NSMCE2: variants seen among roughly 807,000 people sequenced by gnomAD.
NSMCE2 encodes the protein NSE2 SUMO ligase component of SMC5/6 complex.
NSMCE2 carries 24 observed loss-of-function variants against 23.8 expected under a neutral mutation model. That is an observed-to-expected ratio of 1.01 (90% CI 0.73 to 1.42). NSMCE2 has a LOEUF of 1.42. Ranked by LOEUF, NSMCE2 falls within the 40% of genes most tolerant of loss-of-function variation. The pLI is 0.00. For synonymous variants in NSMCE2, 92 were observed against 94.1 expected (o/e 0.98, Z 0.13); for missense variants, 284 against 296.5 (o/e 0.96, Z 0.31).
chr8:125,173,639 A>T (rs1200757316), intron 4 of NSMCE2, among the ~76,000 whole-genome samples: 4 of 152,200 alleles, frequency 2.6e-5, no homozygotes, highest in African/African-American at 9.7e-5. Flanking sequence ...CATTCTGTGG[A>T]TGGCAGAGGT....
chr8:125,194,877 T>G (rs1481969649), intron 5 of NSMCE2, among the ~76,000 whole-genome samples: 2 of 152,192 alleles, frequency 1.3e-5, no homozygotes, highest in African/African-American at 4.8e-5. Context: ...TTCTAACCTT[T>G]TTTATATTTA....
At chr8:125,315,409 A>G (rs1829141422) in intron 5 of NSMCE2, among the ~76,000 whole-genome samples, 2 of 152,204 alleles carry the variant, frequency 1.3e-5, no homozygotes, top group African/African-American at 4.8e-5. Context: ...TTTGAGTCAG[A>G]CAGACCTGCT....
chr8:125,274,817 C>T (rs1827377600), intron 5 of NSMCE2, among the ~76,000 whole-genome samples: 3 of 151,344 alleles, frequency 2.0e-5, no homozygotes, highest in Non-Finnish European at 4.4e-5. Context: ...GTAATCCCAG[C>T]TACTTGGGAG....
At chr8:125,140,257 G>T (rs551623064) in intron 3 of NSMCE2, among the ~76,000 whole-genome samples, 1 of 152,172 alleles carries the variant, frequency 6.6e-6, no homozygotes, top group South Asian at 2.1e-4. Flanking sequence ...TTTGTATTGG[G>T]AATATTGCAA....
At position 125,366,925 on chromosome 8, in the gene NSMCE2, C is replaced by T. The variant is rs576735039; in HGVS notation, c.*40C>T. ...CTGCAGGGACACCAGCAGCCTACCT[C>T]CTACCCCAGCTGTCTGTTGAGAGCA... On this transcript the variant is annotated 3_prime_UTR_variant, in exon 8 of 8. Transcript: ENST00000287437. 9 of 1,129,078 alleles carry T rather than the reference C, an allele frequency of 8.0e-6. No homozygotes were observed. The highest frequency in any genetic ancestry group is 2.0e-4 in the Middle Eastern group (1 of 5,124). The allele number at this position is 1,129,078 out of a possible 1,614,324, so 69.9% of individuals were successfully genotyped here.
intron 5 of NSMCE2, among the ~76,000 whole-genome samples, chr8:125,248,645 T>C (rs950870758): frequency 6.6e-6 from 1 of 151,644 alleles, no homozygotes; most frequent in African/African-American, 2.4e-5. Flanking sequence ...AGAGCAAGAC[T>C]CCATCTCAAA....
intron 5 of NSMCE2, among the ~76,000 whole-genome samples, chr8:125,293,267 T>C (rs771245200): frequency 2.0e-5 from 3 of 152,178 alleles, no homozygotes; most frequent in Non-Finnish European, 4.4e-5. Context: ...AAGTTACCCC[T>C]GCCCAGGAAG....
At chr8:125,230,155 G>A (rs1825261981) in intron 5 of NSMCE2, among the ~76,000 whole-genome samples, 1 of 152,158 alleles carries the variant, frequency 6.6e-6, no homozygotes, top group Non-Finnish European at 1.5e-5. Context: ...GGAACATTCA[G>A]AGTTATCAAG....
chr8:125,290,600 TCA>T (rs1828070431), intron 5 of NSMCE2, among the ~76,000 whole-genome samples: 1 of 152,192 alleles, frequency 6.6e-6, no homozygotes, highest in Admixed American at 6.5e-5. Context: ...TTAGAATCTC[TCA>T]GTTACAATTC....
At chr8:125,127,334 G>A (rs1000036312) in intron 3 of NSMCE2, among the ~76,000 whole-genome samples, 1 of 152,148 alleles carries the variant, frequency 6.6e-6, no homozygotes, top group Admixed American at 6.5e-5. Flanking sequence ...GGGAGTACAT[G>A]ATAGTAAGGG....
intron 4 of NSMCE2, among the ~76,000 whole-genome samples, chr8:125,179,805 ACCT>A (rs1405959296): frequency 6.6e-6 from 1 of 152,144 alleles, no homozygotes; most frequent in Non-Finnish European, 1.5e-5. Context: ...CTCAGTCTTC[ACCT>A]CCTCAGCAGT....
chr8:125,280,894 G>T (rs1210251910), intron 5 of NSMCE2, among the ~76,000 whole-genome samples: 1 of 152,182 alleles, frequency 6.6e-6, no homozygotes, highest in Non-Finnish European at 1.5e-5. Flanking sequence ...GAATAAACAT[G>T]TTAGTAATTT....
chr8:125,194,513 G>A (rs555911449), intron 5 of NSMCE2, among the ~76,000 whole-genome samples: 1 of 152,270 alleles, frequency 6.6e-6, no homozygotes, highest in African/African-American at 2.4e-5. Flanking sequence ...GAACATCTCA[G>A]TTGTTTCCAG....
chr8:125,204,722 G>C (rs1343006345), intron 5 of NSMCE2, among the ~76,000 whole-genome samples: 2 of 152,128 alleles, frequency 1.3e-5, no homozygotes, highest in Non-Finnish European at 2.9e-5. Context: ...CATTCAATAA[G>C]ATACGCTGTC....
At chr8:125,325,163 C>G (rs1399891032) in intron 5 of NSMCE2, among the ~76,000 whole-genome samples, 1 of 152,100 alleles carries the variant, frequency 6.6e-6, no homozygotes, top group Admixed American at 6.6e-5. Context: ...TTATTATAGT[C>G]TCAGTTACTC....
chr8:125,166,328 G>T (rs573876663), intron 4 of NSMCE2, among the ~76,000 whole-genome samples: 1 of 152,068 alleles, frequency 6.6e-6, no homozygotes, highest in Non-Finnish European at 1.5e-5. Flanking sequence ...GTGCAGTGGC[G>T]CGATCTCAGC....
intron 3 of NSMCE2, among the ~76,000 whole-genome samples, chr8:125,104,839 C>A (rs1204295021): frequency 6.6e-6 from 1 of 152,130 alleles, no homozygotes; most frequent in Non-Finnish European, 1.5e-5. Flanking sequence ...GAGTTCCAGG[C>A]CAACCTGACG....
intron 5 of NSMCE2, among the ~76,000 whole-genome samples, chr8:125,252,182 G>A (rs192200787): frequency 3.3e-4 from 51 of 152,262 alleles, no homozygotes; most frequent in Middle Eastern, 3.4e-3. Context: ...AGAAGCTAAT[G>A]TATGAGACTG....
chr8:125,181,558 G>T (rs567589865), intron 4 of NSMCE2, among the ~76,000 whole-genome samples: 4 of 152,228 alleles, frequency 2.6e-5, no homozygotes, highest in South Asian at 4.2e-4. Flanking sequence ...GGATGGAGGA[G>T]AACATGGGTT....
Sources: gnomAD v4.1 joint callset for allele counts (sites outside exome capture counted in the v4.1 genomes callset) on GRCh38, gnomAD v4.1.1 for gene constraint, MANE v1.5 for transcripts, NCBI Gene and HGNC (gene_info 2026-07-23, HGNC 2026-07-21) for gene names.